NEGR1: variants seen among roughly 807,000 people sequenced by gnomAD.
The protein encoded by NEGR1 is neuronal growth regulator 1.
In NEGR1, 10 loss-of-function variants were observed where a neutral mutation model predicts 40.9. The observed-to-expected ratio is 0.24, with a 90% CI of 0.15 to 0.42. The LOEUF is 0.42. Ranked by LOEUF, NEGR1 falls within the 10% of genes least tolerant of loss-of-function variation. The pLI is 1.00. For synonymous variants in NEGR1, 185 were observed against 166.8 expected (o/e 1.11, Z -0.84); for missense variants, 352 against 438.9 (o/e 0.80, Z 1.77).
intron 4 of NEGR1, among the ~76,000 whole-genome samples, chr1:71,640,685 A>G (rs534895550): frequency 6.6e-6 from 1 of 152,144 alleles, no homozygotes; most frequent in African/African-American, 2.4e-5. Flanking sequence ...TAAATATTCA[A>G]CCTCAGAATG....
intron 4 of NEGR1, among the ~76,000 whole-genome samples, chr1:71,639,616 C>A (rs1284368322): frequency 6.6e-6 from 1 of 152,050 alleles, no homozygotes; most frequent in Admixed American, 6.6e-5. Flanking sequence ...AAAACATTTT[C>A]TCAGAATATA....
chr1:71,403,303 TG>T lies in NEGR1; in HGVS notation c.*4142del, dbSNP rs1646257773. 1 of 152,062 alleles carries T rather than the reference TG, an allele frequency of 6.6e-6. No individual in the cohort carries two copies. Among genetic ancestry groups the T allele is most frequent in the East Asian group, 1.9e-4 (1 of 5,196 alleles). 9.4% of individuals were successfully genotyped at this position (152,062 alleles called of 1,614,324 possible). A position where few individuals can be genotyped will look rare whatever the true frequency, so the allele number is the denominator to read the frequency against. On this transcript the variant is annotated 3_prime_UTR_variant, in exon 7 of 7. Coordinates refer to ENST00000357731, the MANE Select transcript of NEGR1 (RefSeq NM_173808.3). ...TATCTGAATACCTTCAGGTGCCCGTTGTTTTATACCCAGCTGTTAAGAAATT... is the reference window on the plus strand; with the variant it reads ...TATCTGAATACCTTCAGGTGCCCGTTTTTTATACCCAGCTGTTAAGAAATT...
intron 6 of NEGR1, among the ~76,000 whole-genome samples, chr1:71,431,170 T>C (rs1354861755): frequency 6.6e-6 from 1 of 151,160 alleles, no homozygotes; most frequent in Non-Finnish European, 1.5e-5. Context: ...ATTGTTTAGA[T>C]GTATTCAAAT....
intron 6 of NEGR1, among the ~76,000 whole-genome samples, chr1:71,569,522 C>T (rs1238850411): frequency 3.9e-5 from 6 of 152,126 alleles, no homozygotes; most frequent in Non-Finnish European, 8.8e-5. Context: ...GGCATCTCTT[C>T]TGTAAAAATA....
intron 1 of NEGR1, among the ~76,000 whole-genome samples, chr1:72,114,070 C>T (rs989186108): frequency 6.6e-6 from 1 of 151,760 alleles, no homozygotes; most frequent in East Asian, 1.9e-4. Context: ...AATTGATCAA[C>T]GTATTGAGTG....
At chr1:71,879,043 G>A (rs1381171686) in intron 2 of NEGR1, among the ~76,000 whole-genome samples, 1 of 151,716 alleles carries the variant, frequency 6.6e-6, no homozygotes, top group Non-Finnish European at 1.5e-5. Flanking sequence ...TGAGGCAGGA[G>A]AATCACTTGA....
At chr1:71,653,819 A>T (rs935995425) in intron 4 of NEGR1, among the ~76,000 whole-genome samples, 2 of 152,006 alleles carry the variant, frequency 1.3e-5, no homozygotes, top group African/African-American at 4.8e-5. Flanking sequence ...CATTTGAGAG[A>T]CAGCAAACCT....
At chr1:72,266,193 T>C (rs1570199035) in intron 1 of NEGR1, among the ~76,000 whole-genome samples, 1 of 151,060 alleles carries the variant, frequency 6.6e-6, no homozygotes, top group East Asian at 1.9e-4. Context: ...AACATTGTAA[T>C]GAACTCTAAG....
intron 4 of NEGR1, among the ~76,000 whole-genome samples, chr1:71,639,087 A>T (rs984809251): frequency 2.0e-5 from 3 of 151,956 alleles, no homozygotes; most frequent in Non-Finnish European, 4.4e-5. Context: ...TCAAAGGAGC[A>T]CACATTGATT....
At chr1:72,184,392 T>G (rs1373436147) in intron 1 of NEGR1, among the ~76,000 whole-genome samples, 1 of 151,952 alleles carries the variant, frequency 6.6e-6, no homozygotes, top group Non-Finnish European at 1.5e-5. Flanking sequence ...AGAGAGAAAG[T>G]TGGCAGAATC....
chr1:71,922,823 T>C (rs929975737), intron 2 of NEGR1, among the ~76,000 whole-genome samples: 10 of 152,220 alleles, frequency 6.6e-5, no homozygotes, highest in African/African-American at 9.6e-5. Flanking sequence ...GAGCTGGGGA[T>C]TACTTTTTAC....
chr1:71,496,077 T>A lies in NEGR1; in HGVS notation c.941-88507A>T, dbSNP rs534387457. ...ATCTACATGCTCTGCCTGTGACTGG[T>A]AGTTTTCTTTTTAATTATATTTTTT... On this transcript the variant is annotated intron_variant, in intron 6 of 6. Coordinates refer to ENST00000357731, the MANE Select transcript of NEGR1 (RefSeq NM_173808.3). 2.0e-5 allele frequency among the ~76,000 whole-genome samples: 3 copies of A among 152,300 alleles called. No homozygotes were observed. In the South Asian group the frequency reaches 6.2e-4, roughly 32 times the overall value.
intron 4 of NEGR1, among the ~76,000 whole-genome samples, chr1:71,632,019 G>T (rs1310836617): frequency 1.3e-5 from 2 of 151,540 alleles, no homozygotes; most frequent in African/African-American, 4.8e-5. Context: ...TACTTCAAAG[G>T]CTTGTTGTGG....
intron 2 of NEGR1, among the ~76,000 whole-genome samples, chr1:71,830,773 G>C (rs1012693238): frequency 6.6e-6 from 1 of 151,828 alleles, no homozygotes; most frequent in Non-Finnish European, 1.5e-5. Flanking sequence ...GTAAAGTTTA[G>C]ATTTTAGTTG....
rs1646422543 is a variant in NEGR1, at chr1:71,425,405, T to A, written c.941-17835A>T. Among the ~76,000 whole-genome samples, 5 of 152,194 alleles carry A rather than the reference T, an allele frequency of 3.3e-5. No homozygotes were observed. In the South Asian group the frequency reaches 1.0e-3, roughly 32 times the overall value. On this transcript the variant is annotated intron_variant, in intron 6 of 6. Coordinates refer to ENST00000357731, the MANE Select transcript of NEGR1 (RefSeq NM_173808.3). ...ATATAATCCTAAGCTATATCTGTTA[T>A]TCATGTTTTCTACAAACCTTTCCCC...
chr1:71,936,553 G>T (rs1419065410), intron 1 of NEGR1, among the ~76,000 whole-genome samples: 1 of 152,176 alleles, frequency 6.6e-6, no homozygotes, highest in Non-Finnish European at 1.5e-5. Flanking sequence ...GATAAGTATT[G>T]TAAGATATGG....
intron 1 of NEGR1, among the ~76,000 whole-genome samples, chr1:72,107,710 A>G (rs1448645973): frequency 6.6e-6 from 1 of 151,430 alleles, no homozygotes; most frequent in Non-Finnish European, 1.5e-5. Context: ...GTAGAATGAC[A>G]CAGACTTAAG....
At chr1:71,972,218 C>T (rs527706748) in intron 1 of NEGR1, among the ~76,000 whole-genome samples, 1 of 152,244 alleles carries the variant, frequency 6.6e-6, no homozygotes, top group Non-Finnish European at 1.5e-5. Context: ...GCATTTATTA[C>T]TGGTGTATTA....
rs546804583 is a variant in NEGR1, at chr1:72,018,895, C to A, written c.177-83584G>T. ...GGCATAGGGCAACATGATCTAGCAC[C>A]GGTTTCAAATACATCCCTCAGGCTG... On this transcript the variant is annotated intron_variant, in intron 1 of 6. Coordinates refer to ENST00000357731, the MANE Select transcript of NEGR1 (RefSeq NM_173808.3). 1.6e-4 allele frequency among the ~76,000 whole-genome samples: 25 copies of A among 152,186 alleles called. No individual in the cohort carries two copies. In the East Asian group the frequency reaches 4.7e-3, roughly 28 times the overall value.
Sources: allele counts gnomAD v4.1 joint callset (sites outside exome capture counted in the v4.1 genomes callset), GRCh38; gene constraint gnomAD v4.1.1; transcripts MANE v1.5; gene names NCBI Gene and HGNC (gene_info 2026-07-23, HGNC 2026-07-21).